Variants in RBFOX1 observed in about 807,000 individuals in gnomAD.
RBFOX1 encodes RNA binding fox-1 homolog 1.
Under a neutral mutation model 57.7 loss-of-function variants are expected in RBFOX1, and 8 were observed. The ratio of observed to expected loss-of-function variants is 0.14; its 90% CI spans 0.08 to 0.25. The LOEUF is 0.25. Ranked by LOEUF, RBFOX1 falls within the 10% of genes least tolerant of loss-of-function variation. The pLI is 1.00. For missense variants in RBFOX1, 611 were observed against 548.5 expected, an observed-to-expected ratio of 1.11 and a Z score of -1.14; for synonymous variants, 326 against 222.4, an observed-to-expected ratio of 1.47 and a Z score of -4.15.
At chr16:5,253,010 C>T (rs565723775) in intron 1 of RBFOX1, among the ~76,000 whole-genome samples, 1 of 152,236 alleles carries the variant, frequency 6.6e-6, no homozygotes, top group South Asian at 2.1e-4. Flanking sequence ...CCTGATTCAT[C>T]AGCGTGAGGG....
intron 14 of RBFOX1, among the ~76,000 whole-genome samples, chr16:7,692,670 G>A (rs916903697): frequency 5.3e-5 from 8 of 152,098 alleles, no homozygotes; most frequent in African/African-American, 9.7e-5. Flanking sequence ...AGTTGGAAAC[G>A]TCTTAAGAGA....
chr16:6,161,940 G>T (rs1309576852), intron 1 of RBFOX1, among the ~76,000 whole-genome samples: 1 of 152,228 alleles, frequency 6.6e-6, no homozygotes, highest in Non-Finnish European at 1.5e-5. Flanking sequence ...AACTGCAGGG[G>T]CTGGAGGCCC....
At chr16:5,348,106 C>A (rs975456302) in intron 1 of RBFOX1, among the ~76,000 whole-genome samples, 18 of 150,820 alleles carry the variant, frequency 1.2e-4, no homozygotes, top group African/African-American at 4.2e-4. Context: ...ACCCACCCAC[C>A]CTTCTGTCCA....
At chr16:6,262,293 A>G (rs902762498) in intron 1 of RBFOX1, among the ~76,000 whole-genome samples, 6 of 152,180 alleles carry the variant, frequency 3.9e-5, no homozygotes, top group African/African-American at 1.4e-4. Flanking sequence ...TGGAAGCTGC[A>G]TGTACCAATT....
At chr16:5,759,406 C>T (rs977925034) in intron 3 of RBFOX1, among the ~76,000 whole-genome samples, 4 of 152,170 alleles carry the variant, frequency 2.6e-5, no homozygotes, top group Admixed American at 2.6e-4. Flanking sequence ...TTGTACAATT[C>T]CTGACCTCTC....
rs2095131299 is a variant in RBFOX1, at chr16:7,603,239, C to T, written c.623-4046C>T. 2.0e-5 allele frequency among the ~76,000 whole-genome samples: 3 copies of T among 151,524 alleles called. No individual in the cohort carries two copies. The South Asian group carries it at 6.3e-4, about 32-fold the overall frequency. On this transcript the variant is annotated intron_variant, in intron 9 of 15. Transcript: ENST00000550418. ...AGATTGGAAGGAGACATAATCAGAG[C>T]CAAAAAAAAATTTGTCTATTAGGAA...
chr16:5,894,984 C>T (rs748102382), intron 4 of RBFOX1, among the ~76,000 whole-genome samples: 1 of 152,036 alleles, frequency 6.6e-6, no homozygotes, highest in Non-Finnish European at 1.5e-5. Flanking sequence ...GATCGTGCCA[C>T]TGCACTCCAG....
At chr16:6,916,166 CGTT>C (rs2073114176) in intron 3 of RBFOX1, among the ~76,000 whole-genome samples, 1 of 152,022 alleles carries the variant, frequency 6.6e-6, no homozygotes, top group Non-Finnish European at 1.5e-5. Flanking sequence ...AAAGTTGACA[CGTT>C]GTTATGCTAA....
chr16:6,032,138 A>G (rs11647480), intron 1 of RBFOX1, among the ~76,000 whole-genome samples: 1 of 151,344 alleles, frequency 6.6e-6, no homozygotes, highest in Non-Finnish European at 1.5e-5. Flanking sequence ...CTCCTCTTTT[A>G]TCCGTGCTTT....
intron 4 of RBFOX1, among the ~76,000 whole-genome samples, chr16:7,456,459 C>T (rs188320428): frequency 6.6e-6 from 1 of 152,224 alleles, no homozygotes; most frequent in Non-Finnish European, 1.5e-5. Flanking sequence ...GCTGTAAACA[C>T]AAGACAGGAC....
At chr16:6,034,766 C>G (rs180937512) in intron 1 of RBFOX1, among the ~76,000 whole-genome samples, 9 of 152,170 alleles carry the variant, frequency 5.9e-5, no homozygotes, top group African/African-American at 2.2e-4. Flanking sequence ...ATCTTTAATT[C>G]CACGTTCACA....
chr16:5,571,461 C>T (rs971862203), intron 2 of RBFOX1, among the ~76,000 whole-genome samples: 5 of 151,996 alleles, frequency 3.3e-5, no homozygotes, highest in Admixed American at 1.3e-4. Flanking sequence ...GTGATCTGCC[C>T]GCCTGGACCT....
chr16:6,111,991 T>C (rs1354744142), intron 1 of RBFOX1, among the ~76,000 whole-genome samples: 1 of 152,060 alleles, frequency 6.6e-6, no homozygotes, highest in Non-Finnish European at 1.5e-5. Flanking sequence ...TAAAACTTAA[T>C]CTGTCTCATT....
intron 3 of RBFOX1, among the ~76,000 whole-genome samples, chr16:6,708,145 C>CG (rs34189712): frequency 6.6e-6 from 1 of 152,062 alleles, no homozygotes; most frequent in African/African-American, 2.4e-5. Context: ...GCTTGGGGAG[C>CG]GGGGGATGTT....
rs189488637 is a variant in RBFOX1, at chr16:6,693,698, C to T, written c.-16+39048C>T. Among the ~76,000 whole-genome samples the T allele has an allele frequency of 5.9e-5, 9 of 151,598 alleles. No individual in the cohort carries two copies. In the South Asian group the frequency reaches 8.4e-4, roughly 14 times the overall value. ...CTACCATCACCACCATCATCATCAC[C>T]ATCATCCTCCTCCACTACCATCACC... On this transcript the variant is annotated intron_variant, in intron 3 of 15. Transcript: ENST00000550418.
chr16:5,375,085 CAAAAAAAAAAAAAAA>C (rs576765968), intron 1 of RBFOX1, among the ~76,000 whole-genome samples: 5 of 37,080 alleles, frequency 1.3e-4, no homozygotes, highest in Admixed American at 3.3e-4. Context: ...TTTAAATGGC[CAAAAAAAAAAAAAAA>C]AAAAAAAAAA....
intron 2 of RBFOX1, among the ~76,000 whole-genome samples, chr16:6,576,051 A>G (rs1408075159): frequency 6.6e-6 from 1 of 152,174 alleles, no homozygotes; most frequent in Non-Finnish European, 1.5e-5. Context: ...TTCAAAAACA[A>G]TGACTAGCAT....
chr16:5,612,882 A>G (rs2047874789), intron 3 of RBFOX1, among the ~76,000 whole-genome samples: 1 of 152,170 alleles, frequency 6.6e-6, no homozygotes, highest in African/African-American at 2.4e-5. Context: ...CTTTTTCCTA[A>G]CGAGGTCTCC....
At chr16:7,559,235 C>G (rs543776318) in intron 5 of RBFOX1, among the ~76,000 whole-genome samples, 1 of 152,286 alleles carries the variant, frequency 6.6e-6, no homozygotes, top group South Asian at 2.1e-4. Flanking sequence ...TGGTGAGCCT[C>G]TCCATCAGAA....
Sources: gnomAD v4.1 joint callset for allele counts (sites outside exome capture counted in the v4.1 genomes callset) on GRCh38, gnomAD v4.1.1 for gene constraint, MANE v1.5 for transcripts, NCBI Gene and HGNC (gene_info 2026-07-23, HGNC 2026-07-21) for gene names.